LRP1B: variants seen among roughly 807,000 people sequenced by gnomAD.
LRP1B encodes LDL receptor related protein 1B, also known as low-density lipoprotein receptor-related protein 1B.
A neutral mutation model predicts 556.6 loss-of-function variants in LRP1B; 217 were observed. The observed-to-expected ratio is 0.39, with a 90% confidence interval of 0.35 to 0.44. LRP1B has a LOEUF of 0.44. Ranked by LOEUF, LRP1B falls within the 20% of genes least tolerant of loss-of-function variation. The pLI is 1.00. For missense variants in LRP1B, 5,053 were observed against 5,620.8 expected (o/e 0.90, Z 3.23); for synonymous variants, 2,047 against 1,865.8 (o/e 1.10, Z -2.50).
intron 3 of LRP1B, among the ~76,000 whole-genome samples, chr2:141,289,753 G>A (rs1174703019): frequency 1.3e-5 from 2 of 152,078 alleles, no homozygotes; most frequent in Non-Finnish European, 1.5e-5. Flanking sequence ...AGGAAAACAC[G>A]AAACAGTAAC....
In LRP1B at chr2:141,959,651, T is replaced by C. The variant is rs561410466; in HGVS notation, c.83-149250A>G. Among the ~76,000 whole-genome samples, 5 of 152,016 alleles carry C rather than the reference T, an allele frequency of 3.3e-5. No homozygotes were observed. In the East Asian group the frequency reaches 9.7e-4, roughly 30 times the overall value. On this transcript the variant is annotated intron_variant, in intron 1 of 90. Transcript: ENST00000389484. ...GTAAAATTAACTTTAAAATGTATTT[T>C]ATTTAATAAAATACATTTAAAATAT... is the stretch of plus-strand genomic sequence containing the variant.
chr2:141,334,068 T>A (rs1687756937), intron 3 of LRP1B, among the ~76,000 whole-genome samples: 1 of 152,224 alleles, frequency 6.6e-6, no homozygotes, highest in South Asian at 2.1e-4. Context: ...ATTTTAAAGC[T>A]CTAATCTAAA....
Position 140,322,098 on chromosome 2 carries a change from C to A in LRP1B, c.12515-10G>T, listed in dbSNP as rs2105053797. The A allele has an allele frequency of 6.2e-7, 1 of 1,607,318 alleles. No homozygotes were observed. Among genetic ancestry groups the A allele is most frequent in the African/African-American group, 1.3e-5 (1 of 74,372 alleles). On this transcript the variant is annotated splice_polypyrimidine_tract_variant and intron_variant, in intron 81 of 90. Transcript: ENST00000389484. ...AAGCATGGATTGGGTACTGGTGAAA[C>A]AAAAGAAAACAAAGAAGTGTGTAAA...
intron 2 of LRP1B, among the ~76,000 whole-genome samples, chr2:141,514,838 A>G (rs1238574070): frequency 1.3e-5 from 2 of 152,190 alleles, no homozygotes; most frequent in Non-Finnish European, 2.9e-5. Flanking sequence ...TACTATCCTG[A>G]AAGTAAAAAA....
At position 141,174,358 on chromosome 2, in the gene LRP1B, G is replaced by C. The variant is rs147995836; in HGVS notation, c.1013+14063C>G. On this transcript the variant is annotated intron_variant, in intron 7 of 90. Transcript: ENST00000389484. ...TATAATTTACTTGTGATATGGTTTG[G>C]CTCTGTGTCTCCACCCAAATCTCAC... 1.8e-3 allele frequency among the ~76,000 whole-genome samples: 269 copies of C among 152,092 alleles called. 3 individuals carry two copies. Among genetic ancestry groups the C allele is most frequent in the African/African-American group, 6.3e-3 (262 of 41,524 alleles).
chr2:141,472,217 G>T lies in LRP1B; in HGVS notation c.343+8179C>A, dbSNP rs369475635. 5.3e-5 allele frequency among the ~76,000 whole-genome samples: 8 copies of T among 152,220 alleles called. No individual in the cohort carries two copies. In the South Asian group the frequency reaches 1.0e-3, roughly 20 times the overall value. ...ACACACAGAATAAATATTTTATTGGGGTGGGAGCAATGGATACATGTTGTT... is the reference window on the plus strand; with the variant it reads ...ACACACAGAATAAATATTTTATTGGTGTGGGAGCAATGGATACATGTTGTT... On this transcript the variant is annotated intron_variant, in intron 3 of 90. Transcript: ENST00000389484.
intron 49 of LRP1B, among the ~76,000 whole-genome samples, chr2:140,517,215 G>A (rs1426442044): frequency 6.6e-6 from 1 of 152,090 alleles, no homozygotes; most frequent in Non-Finnish European, 1.5e-5. Flanking sequence ...CATGAGACAT[G>A]ATAATCAAAT....
chr2:141,250,741 C>G (rs576115633), intron 4 of LRP1B, among the ~76,000 whole-genome samples: 7 of 152,204 alleles, frequency 4.6e-5, no homozygotes, highest in East Asian at 3.9e-4. Context: ...CCCATGCAGT[C>G]TACGCTACCT....
chr2:141,856,358 T>C (rs1432746689), intron 1 of LRP1B, among the ~76,000 whole-genome samples: 1 of 152,154 alleles, frequency 6.6e-6, no homozygotes, highest in Admixed American at 6.6e-5. Flanking sequence ...TCTAATCCAG[T>C]ATTAAGGCAA....
intron 2 of LRP1B, among the ~76,000 whole-genome samples, chr2:141,562,392 C>T (rs1362411830): frequency 6.6e-6 from 1 of 151,956 alleles, no homozygotes; most frequent in Non-Finnish European, 1.5e-5. Flanking sequence ...AGGCAATGGA[C>T]TGAGTTTTTC....
intron 7 of LRP1B, among the ~76,000 whole-genome samples, chr2:141,122,482 A>C (rs1390571335): frequency 6.6e-6 from 1 of 152,138 alleles, no homozygotes; most frequent in East Asian, 1.9e-4. Context: ...TTATGCAGCC[A>C]ACAGACACAT....
rs1304859476 is a variant in LRP1B, at chr2:140,244,145, C to T, written c.13324+2941G>A. On this transcript the variant is annotated intron_variant, in intron 87 of 90. Transcript: ENST00000389484. ...TGACACTTAGCAGAGACTTGATAAA[C>T]CTTTGCTTTGGGAGAAATGGAAATA... Among the ~76,000 whole-genome samples, 10 of 151,198 alleles carry T rather than the reference C, an allele frequency of 6.6e-5. No individual in the cohort carries two copies. The East Asian group carries it at 2.0e-3, about 30-fold the overall frequency.
intron 1 of LRP1B, among the ~76,000 whole-genome samples, chr2:141,998,113 T>C (rs1378801653): frequency 1.3e-5 from 2 of 152,194 alleles, no homozygotes; most frequent in Non-Finnish European, 2.9e-5. Context: ...TCATGACATC[T>C]ATCTCTGTTT....
chr2:141,517,134 T>C (rs2105165070), intron 2 of LRP1B, among the ~76,000 whole-genome samples: 1 of 151,944 alleles, frequency 6.6e-6, no homozygotes, highest in East Asian at 1.9e-4. Context: ...TACCCTTTTA[T>C]GTTCTGTTTA....
intron 37 of LRP1B, 87 bp downstream of exon 37, chr2:140,715,886 T>C (rs1354001422): frequency 9.0e-7 from 1 of 1,109,008 alleles, no homozygotes; most frequent in African/African-American, 1.6e-5. Flanking sequence ...GTCTCAGACA[T>C]TACAGCTAAA....
chr2:141,755,319 A>C (rs1361011653), intron 2 of LRP1B, among the ~76,000 whole-genome samples: 6 of 152,106 alleles, frequency 3.9e-5, no homozygotes, highest in Admixed American at 1.3e-4. Flanking sequence ...AACCAATATC[A>C]TAATATTCCA....
chr2:141,341,809 C>T (rs145516385), intron 3 of LRP1B, among the ~76,000 whole-genome samples: 10 of 152,144 alleles, frequency 6.6e-5, no homozygotes, highest in African/African-American at 2.4e-4. Context: ...AGATCTTGGC[C>T]CTGAGTCATT....
chr2:141,783,368 A>G (rs1213413310), intron 2 of LRP1B, among the ~76,000 whole-genome samples: 1 of 152,044 alleles, frequency 6.6e-6, no homozygotes, highest in Non-Finnish European at 1.5e-5. Context: ...TTCAATAGTA[A>G]TATAATCTTA....
At chr2:141,345,588 C>T (rs1374480201) in intron 3 of LRP1B, among the ~76,000 whole-genome samples, 2 of 151,674 alleles carry the variant, frequency 1.3e-5, no homozygotes, top group Non-Finnish European at 2.9e-5. Flanking sequence ...CACCTAGGCT[C>T]AAGGGATCCT....
Sources: gnomAD v4.1 joint callset for allele counts (sites outside exome capture counted in the v4.1 genomes callset) on GRCh38, gnomAD v4.1.1 for gene constraint, MANE v1.5 for transcripts, NCBI Gene and HGNC (gene_info 2026-07-23, HGNC 2026-07-21) for gene names.